NELL1: variants seen among roughly 807,000 people sequenced by gnomAD.
NELL1 encodes the protein protein kinase C-binding protein NELL1.
In NELL1, 76 loss-of-function variants were observed where a neutral mutation model predicts 107.4. The observed-to-expected ratio is 0.71, with a 90% CI of 0.59 to 0.86. The LOEUF (loss-of-function observed/expected upper bound fraction) is 0.86. Among genes scored for constraint, NELL1 ranks in the 40% least tolerant of loss-of-function variants. The pLI is 0.00. For missense variants in NELL1, 1,024 were observed against 1,005.5 expected (o/e 1.02, Z -0.25); for synonymous variants, 353 against 341.2 (o/e 1.03, Z -0.38).
chr11:21,510,300 T>C (rs143246433), intron 15 of NELL1, among the ~76,000 whole-genome samples: 2 of 152,316 alleles, frequency 1.3e-5, no homozygotes, highest in African/African-American at 4.8e-5. Flanking sequence ...ATAATCATGC[T>C]GGAGGGGAGC....
chr11:21,309,672 G>T (rs139879290), intron 14 of NELL1, among the ~76,000 whole-genome samples: 6 of 152,098 alleles, frequency 3.9e-5, no homozygotes, highest in Non-Finnish European at 7.4e-5. Context: ...AGTTCCACAT[G>T]GCTGGGGAGG....
At chr11:21,118,222 A>T (rs181166172) in intron 13 of NELL1, among the ~76,000 whole-genome samples, 2 of 151,770 alleles carry the variant, frequency 1.3e-5, no homozygotes, top group East Asian at 2.0e-4. Context: ...TCTGAAAGCA[A>T]TGGGGGGCTG....
chr11:21,252,311 C>T (rs920571391), intron 14 of NELL1, among the ~76,000 whole-genome samples: 1 of 151,910 alleles, frequency 6.6e-6, no homozygotes, highest in Non-Finnish European at 1.5e-5. Flanking sequence ...ATTGGTTTTC[C>T]TATTGTAACA....
intron 5 of NELL1, among the ~76,000 whole-genome samples, chr11:20,909,700 A>AT (rs1171821910): frequency 1.3e-5 from 2 of 151,928 alleles, no homozygotes; most frequent in Non-Finnish European, 2.9e-5. Context: ...CTCTCATGCC[A>AT]TTTTCTCTTC....
chr11:20,895,342 A>G (rs1849709530), intron 5 of NELL1, among the ~76,000 whole-genome samples: 1 of 131,174 alleles, frequency 7.6e-6, no homozygotes, highest in African/African-American at 2.7e-5. Flanking sequence ...CCTACTGTGT[A>G]TATGTACCCT....
At chr11:20,850,936 T>A (rs544577154) in intron 4 of NELL1, among the ~76,000 whole-genome samples, 1 of 152,264 alleles carries the variant, frequency 6.6e-6, no homozygotes, top group African/African-American at 2.4e-5. Flanking sequence ...TAACTAGGTG[T>A]CAATCACATA....
At chr11:21,286,318 T>A (rs956752384) in intron 14 of NELL1, among the ~76,000 whole-genome samples, 16 of 152,176 alleles carry the variant, frequency 1.1e-4, no homozygotes, top group Admixed American at 6.5e-5. Context: ...AGTCTATGTA[T>A]AAAATGACCC....
At chr11:21,124,155 T>G (rs1419039118) in intron 13 of NELL1, among the ~76,000 whole-genome samples, 1 of 152,156 alleles carries the variant, frequency 6.6e-6, no homozygotes, top group Non-Finnish European at 1.5e-5. Context: ...GAAAGAAATA[T>G]AAGACAATGA....
intron 14 of NELL1, among the ~76,000 whole-genome samples, chr11:21,342,415 G>GA (rs1450927270): frequency 6.7e-6 from 1 of 148,628 alleles, no homozygotes; most frequent in Non-Finnish European, 1.5e-5. Context: ...CTTAAGTGGG[G>GA]GGGGGGGTCA....
chr11:21,278,841 A>T (rs1848929357), intron 14 of NELL1, among the ~76,000 whole-genome samples: 1 of 152,188 alleles, frequency 6.6e-6, no homozygotes, highest in South Asian at 2.1e-4. Flanking sequence ...ACTAAAGGAG[A>T]ACAAAGGTGA....
chr11:20,853,590 T>C (rs917336704), intron 4 of NELL1, among the ~76,000 whole-genome samples: 3 of 152,212 alleles, frequency 2.0e-5, no homozygotes, highest in Admixed American at 6.5e-5. Flanking sequence ...TATGAACATA[T>C]AACATCATTA....
At chr11:21,246,827 A>G (rs1224828208) in intron 14 of NELL1, among the ~76,000 whole-genome samples, 1 of 152,186 alleles carries the variant, frequency 6.6e-6, no homozygotes, top group African/African-American at 2.4e-5. Context: ...GGCAAAAGGC[A>G]CACCTTACAT....
chr11:21,518,674 C>T (rs1855636125), intron 15 of NELL1, among the ~76,000 whole-genome samples: 1 of 152,198 alleles, frequency 6.6e-6, no homozygotes, highest in Non-Finnish European at 1.5e-5. Context: ...TGGCCACCAC[C>T]AGGCTTGTAG....
At chr11:20,884,647 C>G (rs189180151) in intron 4 of NELL1, among the ~76,000 whole-genome samples, 15 of 152,090 alleles carry the variant, frequency 9.9e-5, no homozygotes, top group Non-Finnish European at 2.2e-4. Flanking sequence ...ATTAATTGTT[C>G]GGTAGGCTCT....
intron 7 of NELL1, among the ~76,000 whole-genome samples, chr11:20,924,876 T>C (rs927171020): frequency 6.6e-6 from 1 of 152,194 alleles, no homozygotes; most frequent in Non-Finnish European, 1.5e-5. Flanking sequence ...AGGTTCCACA[T>C]CTGTGGATTC....
At chr11:21,125,150 A>G (rs1855459686) in intron 13 of NELL1, among the ~76,000 whole-genome samples, 1 of 152,128 alleles carries the variant, frequency 6.6e-6, no homozygotes, top group Admixed American at 6.6e-5. Context: ...TAAGCTTTCT[A>G]TGAAGGGTTT....
chr11:21,106,375 T>A (rs968744231), intron 12 of NELL1, among the ~76,000 whole-genome samples: 1 of 152,154 alleles, frequency 6.6e-6, no homozygotes, highest in Non-Finnish European at 1.5e-5. Flanking sequence ...AATGAGTTAA[T>A]CCATTTAAAG....
chr11:20,958,859 C>T (rs1275924818), intron 11 of NELL1, among the ~76,000 whole-genome samples: 1 of 152,152 alleles, frequency 6.6e-6, no homozygotes, highest in Admixed American at 6.5e-5. Context: ...CCGCAAATAG[C>T]TCAAATGTCC....
chr11:21,221,296 A>C (rs1297517965), intron 13 of NELL1, among the ~76,000 whole-genome samples: 1 of 152,128 alleles, frequency 6.6e-6, no homozygotes. Flanking sequence ...TATTTGGTCG[A>C]GGATTTTTGC....
Sources: gnomAD v4.1 joint callset for allele counts (sites outside exome capture counted in the v4.1 genomes callset) on GRCh38, gnomAD v4.1.1 for gene constraint, MANE v1.5 for transcripts, NCBI Gene and HGNC (gene_info 2026-07-23, HGNC 2026-07-21) for gene names.